MYO6: variants seen among roughly 807,000 people sequenced by gnomAD.
The protein encoded by MYO6 is unconventional myosin-VI.
Under a neutral mutation model 178.7 loss-of-function variants are expected in MYO6, and 74 were observed. The ratio of observed to expected loss-of-function variants is 0.41; its 90% CI spans 0.34 to 0.50. The LOEUF is 0.50. MYO6 is among the 20% of genes least tolerant of loss of function. The pLI, the probability that MYO6 is intolerant of heterozygous loss-of-function variation, is 0.09. For synonymous variants in MYO6, 477 were observed against 504.6 expected (o/e 0.95, Z 0.73); for missense variants, 1,330 against 1,547.4 (o/e 0.86, Z 2.36).
At chr6:75,767,438 T>C (rs1288957603) in intron 1 of MYO6, among the ~76,000 whole-genome samples, 1 of 152,028 alleles carries the variant, frequency 6.6e-6, no homozygotes, top group African/African-American at 2.4e-5. Flanking sequence ...AAAATTAATG[T>C]TTCATTTAAA....
chr6:75,762,059 G>A (rs1019248394), intron 1 of MYO6, among the ~76,000 whole-genome samples: 3 of 152,006 alleles, frequency 2.0e-5, no homozygotes, highest in Non-Finnish European at 4.4e-5. Context: ...AGCCTCCTGA[G>A]TAGCTGGAAC....
chr6:75,766,634 T>C (rs1778442504), intron 1 of MYO6, among the ~76,000 whole-genome samples: 1 of 152,194 alleles, frequency 6.6e-6, no homozygotes, highest in Non-Finnish European at 1.5e-5. Context: ...GTATTGTAAT[T>C]GGTGACTCAA....
chr6:75,902,717 C>CT (rs1214343607), intron 30 of MYO6, among the ~76,000 whole-genome samples: 2 of 151,378 alleles, frequency 1.3e-5, no homozygotes, highest in Non-Finnish European at 3.0e-5. Context: ...TTTTGTGTCT[C>CT]TATTTCCTTC....
intron 11 of MYO6, among the ~76,000 whole-genome samples, chr6:75,851,632 A>AT (rs1284530664): frequency 2.3e-4 from 34 of 146,746 alleles, no homozygotes; most frequent in African/African-American, 8.5e-4. Context: ...GTGAGACCCC[A>AT]TAAAAAAAAA....
chr6:75,855,008 A>G (rs1040014123), intron 11 of MYO6, 131 bp from the exon 12 acceptor site: 2 of 802,790 alleles, frequency 2.5e-6, no homozygotes. Context: ...AGTGAGGTAG[A>G]TTTAAAAGTT....
At chr6:75,857,626 C>G (rs1321152863) in intron 13 of MYO6, among the ~76,000 whole-genome samples, 1 of 152,150 alleles carries the variant, frequency 6.6e-6, no homozygotes, top group African/African-American at 2.4e-5. Context: ...GTCACTAAAA[C>G]CATTTACTAA....
In MYO6 at chr6:75,880,084, G is replaced by A. The variant is rs1293589472; in HGVS notation, c.2250G>A (p.Lys750=). 1.2e-6 allele frequency: 2 copies of A among 1,611,848 alleles called. No individual in the cohort carries two copies. The highest frequency in any genetic ancestry group is 2.2e-5 in the East Asian group (1 of 44,806). ...KALGLNENDY[K]FGLTKVFFRP... Reference sequence around the variant, plus strand: ...TGGGCTTAAATGAAAATGACTACAAGTTTGGGTTAACCAAAGTATTTTTTA... The same window carrying A: ...TGGGCTTAAATGAAAATGACTACAAATTTGGGTTAACCAAAGTATTTTTTA... The change falls in exon 22 of 35, where the codon AAG becomes AAA. Residue 750 remains lysine (K), a synonymous_variant. Transcript: ENST00000369977.
chr6:75,896,903 A>G (rs371362929), intron 29 of MYO6, among the ~76,000 whole-genome samples: 1 of 152,242 alleles, frequency 6.6e-6, no homozygotes, highest in South Asian at 2.1e-4. Flanking sequence ...TTATATTTGC[A>G]TATAGTTTGG....
Position 75,749,248 on chromosome 6 carries a change from C to G in MYO6, c.-223C>G, listed in dbSNP as rs1477179707. ...GCGCCGGCCGGCGGGCGGAGACCGA[C>G]TCGGGATCTGTCCGAGCAGGAAGCC... On this transcript the variant is annotated 5_prime_UTR_variant, in exon 1 of 35. Coordinates refer to ENST00000369977, the MANE Select transcript of MYO6 (RefSeq NM_004999.4). 1 of 151,216 alleles carries G rather than the reference C, an allele frequency of 6.6e-6. No homozygotes were observed. Among genetic ancestry groups the G allele is most frequent in the Non-Finnish European group, 1.5e-5 (1 of 67,358 alleles). 9.4% of individuals were successfully genotyped at this position (151,216 alleles called of 1,614,324 possible).
At chr6:75,855,441 G>A (rs572475256) in intron 12 of MYO6, among the ~76,000 whole-genome samples, 158 bp downstream of exon 12, 1 of 152,270 alleles carries the variant, frequency 6.6e-6, no homozygotes, top group African/African-American at 2.4e-5. Context: ...GTTTAACATA[G>A]CTCTTAAAGT....
rs1365059114 is a variant in MYO6, at chr6:75,919,170, A to AGTTTACCAC, written c.*4158_*4159insGTTTACCAC. ...ACAAGTGCAGTTTTGTTACATGGGT[A>AGTTTACCAC]TATTGCATAGTGGTAAAATGTGGGC... On this transcript the variant is annotated 3_prime_UTR_variant, in exon 35 of 35. Coordinates refer to ENST00000369977, the MANE Select transcript of MYO6 (RefSeq NM_004999.4). The AGTTTACCAC allele has an allele frequency of 6.6e-6, 1 of 152,190 alleles. No homozygotes were observed. The highest frequency in any genetic ancestry group is 1.5e-5 in the Non-Finnish European group (1 of 68,058). 9.4% of individuals were successfully genotyped at this position (152,190 alleles called of 1,614,324 possible).
chr6:75,795,654 TA>T (rs1307464206), intron 1 of MYO6, among the ~76,000 whole-genome samples: 1 of 152,216 alleles, frequency 6.6e-6, no homozygotes, highest in African/African-American at 2.4e-5. Flanking sequence ...AGCAGAATTT[TA>T]TAGAAATCTA....
intron 11 of MYO6, among the ~76,000 whole-genome samples, chr6:75,851,350 A>T (rs1329768717): frequency 6.6e-6 from 1 of 152,232 alleles, no homozygotes; most frequent in Non-Finnish European, 1.5e-5. Flanking sequence ...TAAGATTAAT[A>T]TGTGATTCAA....
chr6:75,796,212 T>C (rs973167725), intron 1 of MYO6, among the ~76,000 whole-genome samples: 1 of 152,224 alleles, frequency 6.6e-6, no homozygotes, highest in Non-Finnish European at 1.5e-5. Context: ...GTGACCTTTC[T>C]AATATGCATA....
intron 1 of MYO6, among the ~76,000 whole-genome samples, chr6:75,752,675 G>A (rs137929725): frequency 3.3e-5 from 5 of 152,328 alleles, no homozygotes; most frequent in East Asian, 3.9e-4. Context: ...ATGATAGGCC[G>A]TGAATGTAGT....
At chr6:75,826,982 C>CT (rs1772539739) in intron 3 of MYO6, among the ~76,000 whole-genome samples, 1 of 151,926 alleles carries the variant, frequency 6.6e-6, no homozygotes, top group South Asian at 2.1e-4. Context: ...GATGGATGGG[C>CT]AGTCTGTGGA....
At chr6:75,840,986 A>T (rs1157005474) in intron 8 of MYO6, among the ~76,000 whole-genome samples, 1 of 152,210 alleles carries the variant, frequency 6.6e-6, no homozygotes, top group Non-Finnish European at 1.5e-5. Context: ...CTCAAAACTT[A>T]ACAGGATTTG....
intron 32 of MYO6, among the ~76,000 whole-genome samples, chr6:75,911,008 A>G (rs1780719038): frequency 6.6e-6 from 1 of 152,118 alleles, no homozygotes. Flanking sequence ...AAAATAATGC[A>G]TAAGGAGCCT....
intron 2 of MYO6, among the ~76,000 whole-genome samples, chr6:75,820,494 C>G (rs1461152279): frequency 6.6e-6 from 1 of 152,026 alleles, no homozygotes; most frequent in Non-Finnish European, 1.5e-5. Context: ...CTCAGCCTCC[C>G]GAGTAGCTGG....
Sources: allele counts gnomAD v4.1 joint callset (sites outside exome capture counted in the v4.1 genomes callset), GRCh38; gene constraint gnomAD v4.1.1; transcripts MANE v1.5; gene names NCBI Gene and HGNC (gene_info 2026-07-23, HGNC 2026-07-21).